Variants in ZFR observed in about 807,000 individuals in gnomAD.
ZFR encodes the protein zinc finger RNA-binding protein.
ZFR carries 19 observed loss-of-function variants against 130.7 expected under a neutral mutation model. That is an observed-to-expected ratio of 0.15 (90% confidence interval 0.10 to 0.21). ZFR has a LOEUF of 0.21. Ranked by LOEUF, ZFR falls within the 10% of genes least tolerant of loss-of-function variation. ZFR has a pLI of 1.00. For missense variants in ZFR, 872 were observed against 1,321.5 expected (o/e 0.66, Z 5.27); for synonymous variants, 466 against 456.9 (o/e 1.02, Z -0.25).
At chr5:32,436,143 T>TC (rs1754327469) in intron 2 of ZFR, among the ~76,000 whole-genome samples, 1 of 58,800 alleles carries the variant, frequency 1.7e-5, no homozygotes. Flanking sequence ...TTGTATTCTT[T>TC]TTTTTTTTTT....
At chr5:32,430,420 G>C (rs1754179847) in intron 2 of ZFR, among the ~76,000 whole-genome samples, 1 of 152,082 alleles carries the variant, frequency 6.6e-6, no homozygotes, top group Admixed American at 6.6e-5. Context: ...AATGCACAGA[G>C]AGAGAGGAAG....
At chr5:32,381,726 A>G (rs1404637529) in intron 15 of ZFR, among the ~76,000 whole-genome samples, 1 of 151,904 alleles carries the variant, frequency 6.6e-6, no homozygotes, top group Non-Finnish European at 1.5e-5. Context: ...TCTTTTTCTT[A>G]GTTTTTTACT....
At position 32,403,334 on chromosome 5, in the gene ZFR, G is replaced by T; in HGVS notation, c.1288C>A (p.Gln430Lys). 6.2e-7 allele frequency: 1 copy of T among 1,614,156 alleles called. No individual in the cohort carries two copies. Among genetic ancestry groups the T allele is most frequent in the Non-Finnish European group, 8.5e-7 (1 of 1,180,014 alleles). The change falls in exon 8 of 20, where the codon CAA becomes AAA. Residue 430 changes from glutamine (Q) to lysine (K), a missense_variant. Physicochemically the swap from Gln to Lys is moderately conservative, Grantham distance 53 (BLOSUM62 1). This residue lies in a region of ZFR where 143 missense variants were observed against 137.9 expected (regional missense o/e 1.04). Coordinates refer to ENST00000265069, the MANE Select transcript of ZFR (RefSeq NM_016107.5). Reference sequence around the variant, plus strand: ...GATACAGCTGTTGAAGAAGTAGCTTGGCTAACAACATTTGGTTCTGTTGAT... The same window carrying T: ...GATACAGCTGTTGAAGAAGTAGCTTTGCTAACAACATTTGGTTCTGTTGAT... The part of the protein sequence containing the change: ...IPSTEPNVVS[Q>K]ATSSTAVSAS...
chr5:32,425,959 T>A (rs536228490), intron 2 of ZFR, among the ~76,000 whole-genome samples: 3 of 152,358 alleles, frequency 2.0e-5, no homozygotes, highest in Admixed American at 6.5e-5. Context: ...GACCATTAAC[T>A]TGAGTCTGTA....
chr5:32,432,495 T>C (rs1338277859), intron 2 of ZFR, among the ~76,000 whole-genome samples: 1 of 152,154 alleles, frequency 6.6e-6, no homozygotes, highest in African/African-American at 2.4e-5. Context: ...AATTTTTAAA[T>C]TGGATTATTT....
chr5:32,366,965 C>T (rs1752561480), intron 17 of ZFR, among the ~76,000 whole-genome samples: 1 of 151,358 alleles, frequency 6.6e-6, no homozygotes, highest in South Asian at 2.1e-4. Context: ...GATCATAGCA[C>T]ACTGCAGCCG....
At chr5:32,441,541 T>A (rs998380842) in intron 2 of ZFR, among the ~76,000 whole-genome samples, 3 of 151,960 alleles carry the variant, frequency 2.0e-5, no homozygotes, top group Non-Finnish European at 4.4e-5. Context: ...ACTGCATATG[T>A]TTTCAGGCGT....
intron 4 of ZFR, 144 bp downstream of exon 4, chr5:32,417,504 C>T (rs950392170): frequency 1.1e-6 from 1 of 897,734 alleles, no homozygotes; most frequent in Admixed American, 2.8e-5. Flanking sequence ...GACTCCAAGG[C>T]ATTTAGTAGG....
At chr5:32,433,169 C>G (rs1344099040) in intron 2 of ZFR, among the ~76,000 whole-genome samples, 1 of 152,176 alleles carries the variant, frequency 6.6e-6, no homozygotes, top group Non-Finnish European at 1.5e-5. Flanking sequence ...TAATCTTTAA[C>G]TCACCAGGAA....
chr5:32,382,189 G>C (rs760068447), intron 15 of ZFR, among the ~76,000 whole-genome samples: 2 of 152,010 alleles, frequency 1.3e-5, no homozygotes, highest in African/African-American at 2.4e-5. Flanking sequence ...TGTGGTCCCA[G>C]CTCCTCAGCT....
intron 2 of ZFR, among the ~76,000 whole-genome samples, chr5:32,434,367 C>A (rs412865): frequency 0.95 from 145,161 of 152,262 alleles, 69,256 homozygotes; most frequent in African/African-American, 0.98. Context: ...ATCTTATGAT[C>A]TATCTGATAA....
intron 15 of ZFR, among the ~76,000 whole-genome samples, chr5:32,384,715 G>C (rs771936672): frequency 2.0e-5 from 3 of 152,128 alleles, no homozygotes; most frequent in African/African-American, 4.8e-5. Flanking sequence ...ACATACTGCA[G>C]ACACTGATCA....
intron 16 of ZFR, chr5:32,379,680 AG>A: frequency 5.3e-6 from 1 of 189,824 alleles, no homozygotes; most frequent in Middle Eastern, 2.6e-3. Context: ...TTAGAGAAAG[AG>A]GGGGAAAAAA....
chr5:32,373,390 C>T (rs1490760894), intron 17 of ZFR, among the ~76,000 whole-genome samples: 1 of 152,124 alleles, frequency 6.6e-6, no homozygotes, highest in East Asian at 1.9e-4. Flanking sequence ...AACACTCTGT[C>T]TCGGGGAAAG....
Position 32,415,180 on chromosome 5 carries a change from T to C in ZFR, c.573A>G (p.Lys191=), listed in dbSNP as rs1753790910. The change falls in exon 5 of 20, where the codon AAA becomes AAG. Residue 191 remains lysine (K), a synonymous_variant. Coordinates refer to ENST00000265069, the MANE Select transcript of ZFR (RefSeq NM_016107.5). ...GAGTTGCACCTTGGCTGTAACCTGC[T>C]TTGGGGGCTGAAGTAGGAAAGAGAC... ...VAETYYQTAP[K]AGYSQGATQY... 6.2e-7 allele frequency: 1 copy of C among 1,613,834 alleles called. No homozygotes were observed.
intron 9 of ZFR, among the ~76,000 whole-genome samples, chr5:32,397,780 T>G (rs1056798935): frequency 1.1e-4 from 16 of 150,522 alleles, no homozygotes; most frequent in Non-Finnish European, 1.6e-4. Context: ...GGATAGAAAC[T>G]GTAGAAATGG....
At chr5:32,439,340 C>G (rs1754409638) in intron 2 of ZFR, among the ~76,000 whole-genome samples, 1 of 152,148 alleles carries the variant, frequency 6.6e-6, no homozygotes, top group African/African-American at 2.4e-5. Flanking sequence ...TTCTACCTTA[C>G]TAGTGTTACT....
At chr5:32,392,284 A>G (rs1753198458) in intron 11 of ZFR, among the ~76,000 whole-genome samples, 1 of 125,432 alleles carries the variant, frequency 8.0e-6, no homozygotes. Flanking sequence ...GTGGATGCTT[A>G]ATAGTTGGTA....
chr5:32,431,138 T>C (rs1754204698), intron 2 of ZFR, among the ~76,000 whole-genome samples: 1 of 152,164 alleles, frequency 6.6e-6, no homozygotes, highest in Admixed American at 6.5e-5. Context: ...TTCTCAAAGA[T>C]TTACTTTAGA....
Sources: allele counts gnomAD v4.1 joint callset (sites outside exome capture counted in the v4.1 genomes callset), GRCh38; gene constraint gnomAD v4.1.1; regional missense constraint gnomAD v4.1.1; transcripts MANE v1.5; gene names NCBI Gene and HGNC (gene_info 2026-07-23, HGNC 2026-07-21).